Variants in TPR observed in about 807,000 individuals in gnomAD.
TPR encodes nucleoprotein TPR.
In TPR, 51 loss-of-function variants were observed where a neutral mutation model predicts 316.1. That is an observed-to-expected ratio of 0.16 (90% CI 0.13 to 0.20). The LOEUF is 0.20. TPR is among the 10% of genes least tolerant of loss of function. The pLI is 1.00. For missense variants in TPR, 2,272 were observed against 2,754.8 expected, an observed-to-expected ratio of 0.82 and a Z score of 3.92; for synonymous variants, 981 against 914.7, an observed-to-expected ratio of 1.07 and a Z score of -1.31.
At chr1:186,346,921 G>A (rs1303892989) in intron 22 of TPR, among the ~76,000 whole-genome samples, 1 of 151,858 alleles carries the variant, frequency 6.6e-6, no homozygotes, top group Non-Finnish European at 1.5e-5. Context: ...CCATGGCTGA[G>A]GGTTCCCATC....
intron 9 of TPR, 105 bp downstream of exon 9, chr1:186,361,517 A>T: frequency 9.0e-7 from 1 of 1,114,448 alleles, no homozygotes. Context: ...ATTCTGTCCC[A>T]AATAAAGTCT....
chr1:186,331,326 A>C (rs553398998), intron 39 of TPR, among the ~76,000 whole-genome samples, 172 bp downstream of exon 39: 14 of 152,152 alleles, frequency 9.2e-5, no homozygotes, highest in African/African-American at 3.1e-4. Flanking sequence ...AGTACACTAT[A>C]CTCATAGGAG....
chr1:186,342,391 A>G (rs1325231557), intron 27 of TPR: 2 of 152,178 alleles, frequency 1.3e-5, no homozygotes, highest in Non-Finnish European at 2.9e-5. Flanking sequence ...TTTACTTTCT[A>G]TAGCCCAAAG....
chr1:186,327,362 G>A lies in TPR; in HGVS notation c.5889+98C>T. The stretch of plus-strand genomic sequence containing the variant: ...TAAATATAATCTATTTAAGCTGACT[G>A]GGAACCAGAATTTACAGCCAATGCA... On this transcript the variant is annotated intron_variant, in intron 40 of 50. Coordinates refer to ENST00000367478, the MANE Select transcript of TPR (RefSeq NM_003292.3). The A allele has an allele frequency of 4.6e-6, 4 of 878,352 alleles. No individual in the cohort carries two copies. In the South Asian group the frequency reaches 7.7e-5, roughly 17 times the overall value. The allele number at this position is 878,352 out of a possible 1,614,324, so 54.4% of individuals were successfully genotyped here.
chr1:186,353,665 T>A, intron 18 of TPR, 23 bp downstream of exon 18: 1 of 1,596,500 alleles, frequency 6.3e-7, no homozygotes, highest in Non-Finnish European at 8.5e-7. Flanking sequence ...TAATGCAAGT[T>A]GGACAAGGGA....
chr1:186,358,366 G>T (rs1023049111), intron 13 of TPR, among the ~76,000 whole-genome samples, 177 bp downstream of exon 13: 16 of 151,812 alleles, frequency 1.1e-4, no homozygotes, highest in African/African-American at 1.7e-4. Flanking sequence ...TCAAACATTT[G>T]AAAAAAGGGA....
At chr1:186,321,610 T>C (rs1657778894) in intron 45 of TPR, among the ~76,000 whole-genome samples, 1 of 152,228 alleles carries the variant, frequency 6.6e-6, no homozygotes, top group Non-Finnish European at 1.5e-5. Flanking sequence ...TGCATGAAAA[T>C]GCTCAATAAA....
rs751077097 is a variant in TPR at position 186,313,661 on chromosome 1, AT to A, written c.*309del. ...CATTGTTTTCTTTTTAACTAAAAAA[AT>A]GTTTTCTCTTCCATTTAGATCAATA... is the stretch of plus-strand genomic sequence containing the variant. On this transcript the variant is annotated 3_prime_UTR_variant, in exon 51 of 51. Transcript: ENST00000367478. 1.4e-6 allele frequency: 2 copies of A among 1,461,980 alleles called. No individual in the cohort carries two copies. Among genetic ancestry groups the A allele is most frequent in the Non-Finnish European group, 9.6e-7 (1 of 1,042,212 alleles). The allele number at this position is 1,461,980 out of a possible 1,614,324, so 90.6% of individuals were successfully genotyped here. A position where few individuals can be genotyped will look rare whatever the true frequency, so the allele number is the denominator to read the frequency against.
chr1:186,319,585 G>C (rs1205463408), intron 46 of TPR, among the ~76,000 whole-genome samples: 1 of 152,120 alleles, frequency 6.6e-6, no homozygotes, highest in Non-Finnish European at 1.5e-5. Context: ...TTTCATATAA[G>C]AAGAGGCCTT....
In TPR at chr1:186,312,106, G is replaced by C; in HGVS notation, c.*1865C>G. On this transcript the variant is annotated 3_prime_UTR_variant, in exon 51 of 51. Coordinates refer to ENST00000367478, the MANE Select transcript of TPR (RefSeq NM_003292.3). Reference sequence around the variant, plus strand: ...CTGTTTCCTATACATTGTAAAAGTTGTTTTCCACCTTTTCTGAGGGTATTA... The same window carrying C: ...CTGTTTCCTATACATTGTAAAAGTTCTTTTCCACCTTTTCTGAGGGTATTA... The C allele has an allele frequency of 7.1e-7, 1 of 1,403,982 alleles. No homozygotes were observed. The highest frequency in any genetic ancestry group is 1.0e-6 in the Non-Finnish European group (1 of 997,244). 87.0% of individuals were successfully genotyped at this position (1,403,982 alleles called of 1,614,324 possible).
chr1:186,339,436 TGAG>T (rs1400951818), intron 30 of TPR, among the ~76,000 whole-genome samples: 29 of 152,286 alleles, frequency 1.9e-4, no homozygotes, highest in Non-Finnish European at 3.7e-4. Flanking sequence ...GAAATAATTA[TGAG>T]GATAGTCTCA....
Position 186,312,635 on chromosome 1 carries a change from T to C in TPR, c.*1336A>G. The C allele has an allele frequency of 1.6e-5, 15 of 964,736 alleles. No individual in the cohort carries two copies. The highest frequency in any genetic ancestry group is 2.3e-5 in the Non-Finnish European group (14 of 618,160). 59.8% of individuals were successfully genotyped at this position (964,736 alleles called of 1,614,324 possible). A position where few individuals can be genotyped will look rare whatever the true frequency, so the allele number is the denominator to read the frequency against. On this transcript the variant is annotated 3_prime_UTR_variant, in exon 51 of 51. Coordinates refer to ENST00000367478, the MANE Select transcript of TPR (RefSeq NM_003292.3). ...CAAGTACTTCTTACCAAGAACATTATATACCAGTCTATAACCCTCAATAGT... is the reference window on the plus strand; with the variant it reads ...CAAGTACTTCTTACCAAGAACATTACATACCAGTCTATAACCCTCAATAGT...
intron 49 of TPR, among the ~76,000 whole-genome samples, chr1:186,317,026 C>A (rs1462413343): frequency 2.6e-5 from 4 of 152,214 alleles, no homozygotes; most frequent in Non-Finnish European, 5.9e-5. Flanking sequence ...TACCCCTTAA[C>A]TCTCCACATC....
intron 25 of TPR, 117 bp downstream of exon 25, chr1:186,344,258 G>A (rs1020201883): frequency 2.3e-5 from 32 of 1,366,816 alleles, no homozygotes; most frequent in Non-Finnish European, 3.0e-5. Context: ...CCAATATCAC[G>A]CCATTGCACT....
At chr1:186,363,760 G>A (rs1258791224) in intron 4 of TPR, among the ~76,000 whole-genome samples, 1 of 152,066 alleles carries the variant, frequency 6.6e-6, no homozygotes, top group Non-Finnish European at 1.5e-5. Flanking sequence ...AGATATTAGT[G>A]TATTTTATCA....
In TPR at chr1:186,362,396, A is replaced by G. The variant is rs781301739; in HGVS notation, c.697-16T>C. ...GTCTAGAAACCTAAAAACAAAAAAT[A>G]GAGCAGGGGGAAAGGATGTCATATT... On this transcript the variant is annotated splice_polypyrimidine_tract_variant and intron_variant, in intron 6 of 50. Transcript: ENST00000367478. The G allele has an allele frequency of 5.0e-6, 8 of 1,587,024 alleles. No individual in the cohort carries two copies. Among genetic ancestry groups the G allele is most frequent in the Non-Finnish European group, 6.9e-6 (8 of 1,156,558 alleles).
chr1:186,349,612 A>G (rs1357732260), intron 21 of TPR, among the ~76,000 whole-genome samples: 2 of 151,688 alleles, frequency 1.3e-5, no homozygotes, highest in African/African-American at 4.8e-5. Context: ...GTGAGCCGAG[A>G]TCGCGCCACT....
At chr1:186,326,538 G>A (rs966287452) in intron 40 of TPR, among the ~76,000 whole-genome samples, 2 of 151,944 alleles carry the variant, frequency 1.3e-5, no homozygotes, top group Admixed American at 6.6e-5. Flanking sequence ...TTAAACAGGT[G>A]GAGTTGAAGA....
In TPR at chr1:186,335,550, A is replaced by T. The variant is rs754166392; in HGVS notation, c.4706-7T>A. 8 of 1,576,310 alleles carry T rather than the reference A, an allele frequency of 5.1e-6. No individual in the cohort carries two copies. The highest frequency in any genetic ancestry group is 6.0e-6 in the Non-Finnish European group (7 of 1,166,188). ...GTTAGCTGATCTTTTACACCTAAAG[A>T]AGTAACCAGGCGATTATATTAATAT... On this transcript the variant is annotated splice_region_variant and splice_polypyrimidine_tract_variant and intron_variant, in intron 33 of 50. Coordinates refer to ENST00000367478, the MANE Select transcript of TPR (RefSeq NM_003292.3).
Sources: gnomAD v4.1 joint callset for allele counts (sites outside exome capture counted in the v4.1 genomes callset) on GRCh38, gnomAD v4.1.1 for gene constraint, MANE v1.5 for transcripts, NCBI Gene and HGNC (gene_info 2026-07-23, HGNC 2026-07-21) for gene names.